The following KIAA1586 variants were observed in gnomAD, a reference collection of about 807,000 sequenced individuals.
KIAA1586 encodes the protein E3 SUMO-protein ligase KIAA1586.
In KIAA1586, 5 loss-of-function variants were observed where a neutral mutation model predicts 6.1. That is an observed-to-expected ratio of 0.82 (90% CI 0.43 to 1.73). KIAA1586 has a LOEUF of 1.73. Among genes scored for constraint, KIAA1586 ranks in the 40% most tolerant of loss-of-function variants. The pLI is 0.02. For synonymous variants in KIAA1586, 280 were observed against 301.7 expected (o/e 0.93, Z 0.75); for missense variants, 899 against 878.2 (o/e 1.02, Z -0.30).
downstream of KIAA1586, among the ~76,000 whole-genome samples, chr6:57,057,350 T>C (rs901175050): frequency 1.3e-5 from 2 of 152,178 alleles, no homozygotes; most frequent in African/African-American, 4.8e-5. Context: ...TACATTTCTG[T>C]AGTTTTAGAA....
intron 3 of KIAA1586, 87 bp from the exon 4 acceptor site, chr6:57,052,599 C>T: frequency 1.9e-6 from 2 of 1,035,770 alleles, no homozygotes; most frequent in Non-Finnish European, 2.6e-6. Context: ...AATGTATTTC[C>T]AAAATTAGAT....
At chr6:57,058,368 A>G (rs974011028), downstream of KIAA1586, among the ~76,000 whole-genome samples, 3 of 152,186 alleles carry the variant, frequency 2.0e-5, no homozygotes, top group East Asian at 1.9e-4. Context: ...ATAAGTGCAC[A>G]TGGTACAAAT....
intron 2 of KIAA1586, among the ~76,000 whole-genome samples, chr6:57,048,274 G>C (rs12190416): frequency 7.2e-5 from 11 of 152,000 alleles, no homozygotes; most frequent in Non-Finnish European, 2.9e-5. Flanking sequence ...TCAGGCTGTA[G>C]AATTTTTCTT....
rs1477340989 is a variant in KIAA1586 at position 57,054,867 on chromosome 6, A to G, written c.*4A>G. ...GGCTATATGGAACTTAAAATAGAAT[A>G]TTGTATACGTTTTTTGTCATCTGTA... On this transcript the variant is annotated 3_prime_UTR_variant, in exon 4 of 4. Coordinates refer to ENST00000370733, the MANE Select transcript of KIAA1586 (RefSeq NM_020931.4). The G allele has an allele frequency of 6.5e-7, 1 of 1,536,312 alleles. No individual in the cohort carries two copies. Among genetic ancestry groups the G allele is most frequent in the South Asian group, 1.2e-5 (1 of 82,364 alleles).
At chr6:57,052,209 A>C (rs995842473) in intron 3 of KIAA1586, among the ~76,000 whole-genome samples, 5 of 152,200 alleles carry the variant, frequency 3.3e-5, no homozygotes, top group Admixed American at 3.3e-4. Flanking sequence ...TTAAATAATA[A>C]AAATACAATA....
intron 2 of KIAA1586, among the ~76,000 whole-genome samples, chr6:57,050,516 A>G (rs953474708): frequency 6.7e-6 from 1 of 148,316 alleles, no homozygotes; most frequent in Non-Finnish European, 1.5e-5. Flanking sequence ...GTGTCTCACT[A>G]TGTTGCCCAG....
chr6:57,054,171 A>C lies in KIAA1586; in HGVS notation c.1672A>C (p.Lys558Gln). The C allele has an allele frequency of 6.3e-7, 1 of 1,588,850 alleles. No individual in the cohort carries two copies. Among genetic ancestry groups the C allele is most frequent in the Non-Finnish European group, 8.5e-7 (1 of 1,170,948 alleles). Residue 558 changes from lysine (K) to glutamine (Q), a missense_variant, in exon 4 of 4, where the codon AAA becomes CAA. Transcript: ENST00000370733. ...TATTAAGAAAGCACAAAAATTGATCAAACGTACCATAAGAGCTTTGGAAAA... is the reference window on the plus strand; with the variant it reads ...TATTAAGAAAGCACAAAAATTGATCCAACGTACCATAAGAGCTTTGGAAAA... ...TNIKKAQKLI[K>Q]RTIRALENLK...
chr6:57,052,257 T>G (rs1234150374), intron 3 of KIAA1586, among the ~76,000 whole-genome samples: 1 of 152,198 alleles, frequency 6.6e-6, no homozygotes, highest in Non-Finnish European at 1.5e-5. Context: ...TAAAAACTTT[T>G]ATGGCATTGA....
chr6:57,054,571 A>T lies in KIAA1586; in HGVS notation c.2072A>T (p.Tyr691Phe). 2.5e-6 allele frequency: 4 copies of T among 1,608,580 alleles called. No individual in the cohort carries two copies. The highest frequency in any genetic ancestry group is 3.4e-6 in the Non-Finnish European group (4 of 1,176,510). The part of the protein sequence containing the change: ...SNNVSIPTTI[Y>F]KAKKIVSTIA... ...AATGTTTCAATTCCTACAACTATAT[A>T]CAAAGCTAAAAAGATAGTTAGCACC... is the stretch of plus-strand genomic sequence containing the variant. Residue 691 changes from tyrosine (Y) to phenylalanine (F), a missense_variant, in exon 4 of 4, where the codon TAC becomes TTC. Tyr to Phe is a conservative substitution (Grantham distance 22, BLOSUM62 3). Transcript: ENST00000370733.
In KIAA1586 at chr6:57,054,839, A is replaced by G. The variant is rs1283658359; in HGVS notation, c.2340A>G (p.Gln780=). The change falls in exon 4 of 4, where the codon CAA becomes CAG. Residue 780 remains glutamine, a synonymous_variant. Coordinates refer to ENST00000370733, the MANE Select transcript of KIAA1586 (RefSeq NM_020931.4). ...CAACAAAAGTCTTCCATGAGAATCA[A>G]TTGGCTATATGGAACTTAAAATAGA... The part of the protein sequence containing the change: ...QKSTKVFHEN[Q]LAIWNLK 1.5e-5 allele frequency: 23 copies of G among 1,550,410 alleles called. No individual in the cohort carries two copies. Among genetic ancestry groups the G allele is most frequent in the Admixed American group, 5.9e-5 (3 of 50,934 alleles).
chr6:57,058,103 T>C (rs1484275449), downstream of KIAA1586, among the ~76,000 whole-genome samples: 2 of 152,080 alleles, frequency 1.3e-5, no homozygotes, highest in Non-Finnish European at 2.9e-5. Flanking sequence ...CTCATGCAGC[T>C]TTTAAAATCT....
At chr6:57,059,595 A>AAG (rs1348542423), downstream of KIAA1586, among the ~76,000 whole-genome samples, 1 of 151,538 alleles carries the variant, frequency 6.6e-6, no homozygotes, top group Non-Finnish European at 1.5e-5. Context: ...TCTGAAAAAA[A>AAG]AAAAAAAATA....
chr6:57,046,702 T>G lies in KIAA1586; in HGVS notation c.-54T>G, dbSNP rs201107446. ...GGGCGGGAAGGGGAGTGGTGGCGGC[T>G]GCGGCAGTAGGGACAGCAGGAGCAG... On this transcript the variant is annotated 5_prime_UTR_variant, in exon 1 of 4. Coordinates refer to ENST00000370733, the MANE Select transcript of KIAA1586 (RefSeq NM_020931.4). 909 of 1,607,464 alleles carry G rather than the reference T, an allele frequency of 5.7e-4. 5 individuals carry two copies. The African/African-American group carries it at 9.5e-3, about 17-fold the overall frequency.
At chr6:57,062,564 TC>T in the KIAA1586 span, among the ~76,000 whole-genome samples, 2 of 152,156 alleles carry the variant, frequency 1.3e-5, no homozygotes, top group Non-Finnish European at 2.9e-5. Context: ...CTAGAAGACT[TC>T]CCAACTGAGA....
chr6:57,055,498 A>G (rs1393942044), downstream of KIAA1586, among the ~76,000 whole-genome samples: 1 of 151,990 alleles, frequency 6.6e-6, no homozygotes, highest in East Asian at 1.9e-4. Context: ...ATATAAACAT[A>G]TTGCTGATAG....
rs1828365594 is a variant in KIAA1586, at chr6:57,052,812, G to T, written c.313G>T (p.Glu105Ter). 1.9e-6 allele frequency: 3 copies of T among 1,613,478 alleles called. No homozygotes were observed. In the South Asian group the frequency reaches 3.3e-5, roughly 18 times the overall value. Residue 105 changes from glutamate (E) to a stop codon, truncating the protein, a stop_gained, in exon 4 of 4, where the codon GAA becomes TAA. Transcript: ENST00000370733. LOFTEE classifies it low-confidence loss of function (END_TRUNC). Reference protein sequence around the residue: ...KNHCRLSKAKEPHFEYIEQPI... With the variant: ...KNHCRLSKAK Reference sequence around the variant, plus strand: ...TCACTGCAGATTGTCTAAGGCAAAGGAACCACATTTCGAGTATATTGAACA... The same window carrying T: ...TCACTGCAGATTGTCTAAGGCAAAGTAACCACATTTCGAGTATATTGAACA...
downstream of KIAA1586, among the ~76,000 whole-genome samples, chr6:57,059,865 G>T (rs927150008): frequency 6.6e-6 from 1 of 152,106 alleles, no homozygotes; most frequent in Admixed American, 6.5e-5. Context: ...AAACTAGAAA[G>T]GTAGAAGATA....
chr6:57,051,937 G>A (rs1828340412), intron 3 of KIAA1586, among the ~76,000 whole-genome samples: 1 of 152,136 alleles, frequency 6.6e-6, no homozygotes, highest in Non-Finnish European at 1.5e-5. Context: ...TCGCGCCACT[G>A]CACTCCAGCT....
At position 57,053,146 on chromosome 6, in the gene KIAA1586, A is replaced by G. The variant is rs755606740; in HGVS notation, c.647A>G (p.His216Arg). Residue 216 changes from histidine (H) to arginine (R), a missense_variant, in exon 4 of 4, where the codon CAT (histidine) becomes CGT (arginine). Coordinates refer to ENST00000370733, the MANE Select transcript of KIAA1586 (RefSeq NM_020931.4). ...KIREHDVSKAHGKIQDLLKES... is the reference protein window; with the variant it reads ...KIREHDVSKARGKIQDLLKES... ...AGGGAACATGATGTTTCTAAAGCCC[A>G]TGGTAAAATTCAGGATTTGTTAAAG... 1 of 1,611,032 alleles carries G rather than the reference A, an allele frequency of 6.2e-7. No individual in the cohort carries two copies. Among genetic ancestry groups the G allele is most frequent in the Admixed American group, 1.7e-5 (1 of 59,126 alleles).
Sources: allele counts gnomAD v4.1 joint callset (sites outside exome capture counted in the v4.1 genomes callset), GRCh38; gene constraint gnomAD v4.1.1; transcripts MANE v1.5; gene names NCBI Gene and HGNC (gene_info 2026-07-23, HGNC 2026-07-21).